PIK3R1: variants seen among roughly 807,000 people sequenced by gnomAD.
PIK3R1 encodes phosphatidylinositol 3-kinase regulatory subunit alpha.
A neutral mutation model predicts 98.0 loss-of-function variants in PIK3R1; 29 were observed. The observed-to-expected ratio is 0.30, with a 90% confidence interval of 0.22 to 0.40. PIK3R1 has a LOEUF of 0.40. PIK3R1 is among the 10% of genes least tolerant of loss of function. PIK3R1 has a pLI of 1.00. For missense variants in PIK3R1, 596 were observed against 872.7 expected, an observed-to-expected ratio of 0.68 and a Z score of 3.99; for synonymous variants, 282 against 311.8, an observed-to-expected ratio of 0.90 and a Z score of 1.01.
intron 1 of PIK3R1, among the ~76,000 whole-genome samples, chr5:68,217,952 A>T (rs1486457990): frequency 6.6e-6 from 1 of 152,174 alleles, no homozygotes; most frequent in Non-Finnish European, 1.5e-5. Flanking sequence ...TTAGTTGCAT[A>T]ACAGAACTCT....
intron 4 of PIK3R1, 70 bp downstream of exon 4, chr5:68,274,083 A>G: frequency 8.7e-7 from 1 of 1,152,206 alleles, no homozygotes; most frequent in Admixed American, 1.7e-5. Flanking sequence ...GGTAATGCAC[A>G]CACACAAAAT....
chr5:68,269,488 C>T (rs1270186859), intron 2 of PIK3R1, among the ~76,000 whole-genome samples: 1 of 152,106 alleles, frequency 6.6e-6, no homozygotes, highest in Non-Finnish European at 1.5e-5. Flanking sequence ...GTTTTTAGTA[C>T]TATTATTTTT....
chr5:68,263,447 A>T (rs984868505), intron 2 of PIK3R1, among the ~76,000 whole-genome samples: 1 of 151,730 alleles, frequency 6.6e-6, no homozygotes, highest in African/African-American at 2.4e-5. Flanking sequence ...TAATTCTAAA[A>T]CCATAACCAG....
At position 68,226,445 on chromosome 5, in the gene PIK3R1, C is replaced by G. The variant is rs1311409210; in HGVS notation, c.-231C>G. ...GGAAGCCAGTGAGAGGACTGTGGCA[C>G]GCAGAGGAAGTGGAGCCCTGTCTTC... On this transcript the variant is annotated 5_prime_UTR_variant, in exon 2 of 16. Transcript: ENST00000521381. 1 of 512,546 alleles carries G rather than the reference C, an allele frequency of 2.0e-6. No homozygotes were observed. Among genetic ancestry groups the G allele is most frequent in the Non-Finnish European group, 3.4e-6 (1 of 290,824 alleles). 31.7% of individuals were successfully genotyped at this position (512,546 alleles called of 1,614,324 possible).
intron 7 of PIK3R1, among the ~76,000 whole-genome samples, chr5:68,284,476 T>C (rs1366526553): frequency 6.6e-6 from 1 of 152,210 alleles, no homozygotes; most frequent in East Asian, 1.9e-4. Flanking sequence ...TCATCACCAC[T>C]CCTCCATCTT....
At chr5:68,284,532 G>A (rs972104991) in intron 7 of PIK3R1, among the ~76,000 whole-genome samples, 1 of 152,190 alleles carries the variant, frequency 6.6e-6, no homozygotes, top group Admixed American at 6.5e-5. Flanking sequence ...ACCATACGTC[G>A]CTGCCCCAAG....
intron 2 of PIK3R1, among the ~76,000 whole-genome samples, chr5:68,230,793 C>G (rs1283480319): frequency 6.6e-6 from 1 of 152,142 alleles, no homozygotes; most frequent in Non-Finnish European, 1.5e-5. Context: ...GCTAAAATTG[C>G]CAATATGAGG....
At chr5:68,289,501 T>C (rs985231269) in intron 7 of PIK3R1, among the ~76,000 whole-genome samples, 2 of 151,988 alleles carry the variant, frequency 1.3e-5, no homozygotes, top group Admixed American at 1.3e-4. Flanking sequence ...CATGTGTACA[T>C]AGATCACAGA....
At chr5:68,226,165 A>G in intron 1 of PIK3R1, 125 bp from the exon 2 acceptor site, 2 of 337,656 alleles carry the variant, frequency 5.9e-6, no homozygotes, top group Non-Finnish European at 5.4e-6. Flanking sequence ...GTCAAGCAAT[A>G]GCACACTGGC....
intron 2 of PIK3R1, among the ~76,000 whole-genome samples, chr5:68,265,969 A>C (rs2112137005): frequency 6.6e-6 from 1 of 152,306 alleles, no homozygotes; most frequent in East Asian, 1.9e-4. Context: ...GGCTTTCTTA[A>C]GAGTGCTTGT....
chr5:68,263,184 C>T (rs1419145912), intron 2 of PIK3R1, among the ~76,000 whole-genome samples: 2 of 138,236 alleles, frequency 1.4e-5, no homozygotes, highest in Non-Finnish European at 3.1e-5. Context: ...TCTATATATA[C>T]ATATATCTAC....
Position 68,226,337 on chromosome 5 carries a change from A to G in PIK3R1, c.-339A>G, listed in dbSNP as rs948497061. 1 of 438,326 alleles carries G rather than the reference A, an allele frequency of 2.3e-6. No individual in the cohort carries two copies. Among genetic ancestry groups the G allele is most frequent in the Non-Finnish European group, 4.0e-6 (1 of 248,592 alleles). The allele number at this position is 438,326 out of a possible 1,614,324, so 27.2% of individuals were successfully genotyped here. ...CACGGTACAATCAGACGACAGATGG[A>G]CAGTGTGACAAAAGTGTCAGAAAGG... On this transcript the variant is annotated 5_prime_UTR_variant, in exon 2 of 16. Transcript: ENST00000521381.
At position 68,288,582 on chromosome 5, in the gene PIK3R1, C is replaced by G. The variant is rs571872717; in HGVS notation, c.917-3677C>G. On this transcript the variant is annotated intron_variant, in intron 7 of 15. Coordinates refer to ENST00000521381, the MANE Select transcript of PIK3R1 (RefSeq NM_181523.3). ...GGAGGGTCCTGGCGGCGCCCCCGCT[C>G]CTGCGCGCACTCTCGGCGCCGGACA... 308 of 1,530,504 alleles carry G rather than the reference C, an allele frequency of 2.0e-4. 1 individual carries two copies. The African/African-American group carries it at 3.6e-3, about 18-fold the overall frequency. 94.8% of individuals were successfully genotyped at this position (1,530,504 alleles called of 1,614,324 possible).
At position 68,294,569 on chromosome 5, in the gene PIK3R1, T is replaced by C; in HGVS notation, c.1459T>C (p.Phe487Leu). Reference sequence around the variant, plus strand: ...AATGAAAAGGACAGCTATTGAAGCATTTAATGAAACCATAAAAATATTTGA... The same window carrying C: ...AATGAAAAGGACAGCTATTGAAGCACTTAATGAAACCATAAAAATATTTGA... ...IQMKRTAIEA[F>L]NETIKIFEEQ... is the part of the protein sequence containing the mutation. Residue 487 changes from phenylalanine (F) to leucine (L), a missense_variant, in exon 12 of 16, where the codon TTT becomes CTT. Around this residue, in one of 3 missense-constraint regions of PIK3R1, gnomAD observed 207 missense variants for 361.4 expected, o/e 0.57. Coordinates refer to ENST00000521381, the MANE Select transcript of PIK3R1 (RefSeq NM_181523.3). The C allele has an allele frequency of 6.2e-7, 1 of 1,611,584 alleles. No individual in the cohort carries two copies. Among genetic ancestry groups the C allele is most frequent in the Non-Finnish European group, 8.5e-7 (1 of 1,178,514 alleles).
intron 2 of PIK3R1, among the ~76,000 whole-genome samples, chr5:68,231,472 T>G (rs976344700): frequency 5.3e-5 from 8 of 152,234 alleles, no homozygotes; most frequent in Non-Finnish European, 7.3e-5. Context: ...TTGGTTTTCA[T>G]GGTTTCCCAA....
intron 2 of PIK3R1, among the ~76,000 whole-genome samples, chr5:68,232,983 A>G (rs1744539131): frequency 6.6e-6 from 1 of 152,198 alleles, no homozygotes; most frequent in South Asian, 2.1e-4. Context: ...TCTTTGATAA[A>G]TTTGATGTCA....
chr5:68,280,787 T>C, intron 6 of PIK3R1, 58 bp downstream of exon 6: 1 of 1,465,296 alleles, frequency 6.8e-7, no homozygotes, highest in Non-Finnish European at 9.6e-7. Context: ...CTAAATGGAT[T>C]GGTCATGAAA....
At chr5:68,222,371 G>T (rs530733803) in intron 1 of PIK3R1, among the ~76,000 whole-genome samples, 15 of 152,282 alleles carry the variant, frequency 9.9e-5, no homozygotes, top group Non-Finnish European at 1.6e-4. Context: ...CCTTGTGGCA[G>T]TGCCATATCC....
intron 2 of PIK3R1, among the ~76,000 whole-genome samples, chr5:68,270,963 C>T (rs1323736799): frequency 6.6e-6 from 1 of 152,120 alleles, no homozygotes; most frequent in East Asian, 1.9e-4. Context: ...ACCTTTAAGA[C>T]ATTTGTATTT....
Sources: allele counts gnomAD v4.1 joint callset (sites outside exome capture counted in the v4.1 genomes callset), GRCh38; gene constraint gnomAD v4.1.1; regional missense constraint gnomAD v4.1.1; transcripts MANE v1.5; gene names NCBI Gene and HGNC (gene_info 2026-07-23, HGNC 2026-07-21).